CRAMP1: variants seen among roughly 807,000 people sequenced by gnomAD.
CRAMP1 encodes protein cramped-like.
Under a neutral mutation model 115.4 loss-of-function variants are expected in CRAMP1, and 50 were observed. The observed-to-expected ratio is 0.43, with a 90% CI of 0.35 to 0.55. The LOEUF (loss-of-function observed/expected upper bound fraction) is 0.55, where lower values mean the gene tolerates loss of function less well. Ranked by LOEUF, CRAMP1 falls within the 20% of genes least tolerant of loss-of-function variation. The pLI is 0.01. For synonymous variants in CRAMP1, 866 were observed against 745.4 expected (o/e 1.16, Z -2.64); for missense variants, 1,679 against 1,721.7 (o/e 0.98, Z 0.44).
intron 8 of CRAMP1, among the ~76,000 whole-genome samples, chr16:1,653,580 A>G (rs2036742471): frequency 6.6e-6 from 1 of 152,234 alleles, no homozygotes; most frequent in African/African-American, 2.4e-5. Context: ...CTATAATCCC[A>G]GCGCTTTGGG....
rs1266179166 is a variant in CRAMP1, at chr16:1,676,280, G to GA, written c.*2236dup. The GA allele has an allele frequency of 6.6e-6, 1 of 152,630 alleles. No homozygotes were observed. Among genetic ancestry groups the GA allele is most frequent in the Non-Finnish European group, 1.5e-5 (1 of 68,218 alleles). The allele number at this position is 152,630 out of a possible 1,614,324, so 9.5% of individuals were successfully genotyped here. A position where few individuals can be genotyped will look rare whatever the true frequency, so the allele number is the denominator to read the frequency against. The stretch of plus-strand genomic sequence containing the variant: ...ACTGCAGCCATTGCCATCCAGTGGG[G>GA]AGATGGGTTAGGGAGGAGGACGGGC... On this transcript the variant is annotated 3_prime_UTR_variant, in exon 21 of 21. Coordinates refer to ENST00000397412, the MANE Select transcript of CRAMP1 (RefSeq NM_020825.4).
Position 1,666,570 on chromosome 16 carries a change from C to A in CRAMP1, c.3006C>A (p.His1002Gln). The stretch of plus-strand genomic sequence containing the variant: ...CGGGGCAGGACTCTACTGGAACTCA[C>A]CAGGATGGAGACACCCTCCCCACCG... ...AISGQDSTGT[H>Q]QDGDTLPTVG... Residue 1002 changes from histidine (H) to glutamine (Q), a missense_variant, in exon 16 of 21, where the codon CAC becomes CAA. Coordinates refer to ENST00000397412, the MANE Select transcript of CRAMP1 (RefSeq NM_020825.4). The surrounding 1 kb of genome is among the most constrained non-coding windows in gnomAD (Gnocchi z 5.0). 1.9e-6 allele frequency: 3 copies of A among 1,613,946 alleles called. No homozygotes were observed. Among genetic ancestry groups the A allele is most frequent in the Non-Finnish European group, 1.7e-6 (2 of 1,179,866 alleles).
In CRAMP1 at chr16:1,675,302, T is replaced by G. The variant is rs960392979; in HGVS notation, c.*1257T>G. On this transcript the variant is annotated 3_prime_UTR_variant, in exon 21 of 21. Coordinates refer to ENST00000397412, the MANE Select transcript of CRAMP1 (RefSeq NM_020825.4). ...TTCCAGGCACATGAGTCACCGTCCA[T>G]CCACATCCAGTGTGGCCTGGAGCTG... 1 of 152,318 alleles carries G rather than the reference T, an allele frequency of 6.6e-6. No individual in the cohort carries two copies. Among genetic ancestry groups the G allele is most frequent in the Admixed American group, 6.5e-5 (1 of 15,290 alleles). The allele number at this position is 152,318 out of a possible 1,614,324, so 9.4% of individuals were successfully genotyped here. A position where few individuals can be genotyped will look rare whatever the true frequency, so the allele number is the denominator to read the frequency against.
chr16:1,618,213 C>T (rs541845620), intron 2 of CRAMP1, among the ~76,000 whole-genome samples: 2 of 152,262 alleles, frequency 1.3e-5, no homozygotes, highest in South Asian at 4.1e-4. Flanking sequence ...ACCCGGGAGG[C>T]GGAGGTTGCA....
chr16:1,647,130 A>G (rs2036682022), intron 6 of CRAMP1: 3 of 697,632 alleles, frequency 4.3e-6, no homozygotes, highest in Non-Finnish European at 7.8e-6. Flanking sequence ...CGATTGGGGT[A>G]TTTGACTTGC....
intron 4 of CRAMP1, among the ~76,000 whole-genome samples, chr16:1,637,398 G>A (rs982280057): frequency 6.6e-6 from 1 of 152,152 alleles, no homozygotes; most frequent in South Asian, 2.1e-4. Context: ...GCCTGGGCCC[G>A]GGCTATGCAG....
rs555422289 is a variant in CRAMP1 at position 1,619,658 on chromosome 16, A to G, written c.346+4673A>G. Among the ~76,000 whole-genome samples the G allele has an allele frequency of 2.0e-5, 3 of 152,312 alleles. No homozygotes were observed. The East Asian group carries it at 5.8e-4, about 29-fold the overall frequency. On this transcript the variant is annotated intron_variant, in intron 2 of 20. Transcript: ENST00000397412. The stretch of plus-strand genomic sequence containing the variant: ...ATACAAACAGTGGAGTTCTAGTTGT[A>G]TTTCTCTCAAATATTTGTAGGAGGG...
At chr16:1,621,451 C>T (rs773200394) in intron 2 of CRAMP1, among the ~76,000 whole-genome samples, 12 of 152,144 alleles carry the variant, frequency 7.9e-5, no homozygotes, top group Non-Finnish European at 1.5e-4. Context: ...GGGAAACAGG[C>T]GGTGCGGATG....
intron 2 of CRAMP1, among the ~76,000 whole-genome samples, 158 bp downstream of exon 2, chr16:1,615,143 C>T (rs760901829): frequency 6.6e-6 from 1 of 152,212 alleles, no homozygotes. Flanking sequence ...GGCATGTGTC[C>T]CCTCTCTCCT....
intron 2 of CRAMP1, among the ~76,000 whole-genome samples, chr16:1,622,753 CTTTTTTT>C (rs936343370): frequency 7.7e-6 from 1 of 129,362 alleles, no homozygotes; most frequent in Non-Finnish European, 1.7e-5. Flanking sequence ...CGGCAGTCTA[CTTTTTTT>C]TTTTTTTTTT....
Position 1,614,979 on chromosome 16 carries a change from G to A in CRAMP1, c.340G>A (p.Gly114Arg). The A allele has an allele frequency of 8.0e-7, 1 of 1,252,824 alleles. No homozygotes were observed. The highest frequency in any genetic ancestry group is 1.0e-6 in the Non-Finnish European group (1 of 998,050). The allele number at this position is 1,252,824 out of a possible 1,614,324, so 77.6% of individuals were successfully genotyped here. A position where few individuals can be genotyped will look rare whatever the true frequency, so the allele number is the denominator to read the frequency against. ...CAACGCCGGTGGCTCGGGGCCCCGCGGAAAAGGTAGGGCGGCCCGTCCCCT... is the reference window on the plus strand; with the variant it reads ...CAACGCCGGTGGCTCGGGGCCCCGCAGAAAAGGTAGGGCGGCCCGTCCCCT... ...SGNAGGSGPR[G>R]KGAEGGGSSS... Residue 114 changes from glycine to arginine, a missense_variant, in exon 2 of 21, where the codon GGA (glycine) becomes AGA (arginine). Transcript: ENST00000397412. The surrounding 1 kb of genome is among the most constrained non-coding windows in gnomAD (Gnocchi z 4.4).
At position 1,675,813 on chromosome 16, in the gene CRAMP1, G is replaced by T. The variant is rs147126727; in HGVS notation, c.*1768G>T. 1 of 152,224 alleles carries T rather than the reference G, an allele frequency of 6.6e-6. No homozygotes were observed. The highest frequency in any genetic ancestry group is 2.4e-5 in the African/African-American group (1 of 41,462). 9.4% of individuals were successfully genotyped at this position (152,224 alleles called of 1,614,324 possible). A position where few individuals can be genotyped will look rare whatever the true frequency, so the allele number is the denominator to read the frequency against. On this transcript the variant is annotated 3_prime_UTR_variant, in exon 21 of 21. Transcript: ENST00000397412. ...TAAGCAAACAGTCCCAAACCTCTTA[G>T]GGGTGAAAAAAGAAACATGCCACTT...
chr16:1,643,397 T>C lies in CRAMP1; in HGVS notation c.827+2210T>C, dbSNP rs573151163. 8.5e-5 allele frequency among the ~76,000 whole-genome samples: 13 copies of C among 152,048 alleles called. No individual in the cohort carries two copies. The East Asian group carries it at 2.5e-3, about 29-fold the overall frequency. On this transcript the variant is annotated intron_variant, in intron 6 of 20. Transcript: ENST00000397412. ...CTCTGCTAAAAATACAAAAATTAGC[T>C]GGGTGTGGTGGTGCATGCCTGTAAT...
Position 1,656,265 on chromosome 16 carries a change from T to C in CRAMP1, c.1508T>C (p.Leu503Ser). ...CCCGGGGAGGGGGCTGCCCTAAGCT[T>C]GAGCAGCCCGGACGCTCCTGACAGG... ...SAPGEGAALS[L>S]SSPDAPDRPP... The change falls in exon 10 of 21, where the codon TTG becomes TCG. Residue 503 changes from leucine to serine, a missense_variant. Leu to Ser is a moderately radical substitution (Grantham distance 145). Coordinates refer to ENST00000397412, the MANE Select transcript of CRAMP1 (RefSeq NM_020825.4). This position sits in a 1 kb window ranked among gnomAD's most constrained non-coding sequence, Gnocchi z 5.6. 6.2e-7 allele frequency: 1 copy of C among 1,611,360 alleles called. No individual in the cohort carries two copies. The highest frequency in any genetic ancestry group is 8.5e-7 in the Non-Finnish European group (1 of 1,179,724).
rs910032449 is a variant in CRAMP1, at chr16:1,676,644, T to C, written c.*2599T>C. 4 of 152,278 alleles carry C rather than the reference T, an allele frequency of 2.6e-5. No homozygotes were observed. Among genetic ancestry groups the C allele is most frequent in the African/African-American group, 9.6e-5 (4 of 41,478 alleles). The allele number at this position is 152,278 out of a possible 1,614,324, so 9.4% of individuals were successfully genotyped here. A position where few individuals can be genotyped will look rare whatever the true frequency, so the allele number is the denominator to read the frequency against. On this transcript the variant is annotated 3_prime_UTR_variant, in exon 21 of 21. Coordinates refer to ENST00000397412, the MANE Select transcript of CRAMP1 (RefSeq NM_020825.4). ...GAGATCAGTTTCTTAGAAAAAGCTT[T>C]CCTGAATCCCTCTGACGTTGCCTGG...
At chr16:1,651,675 A>T (rs1180502690) in intron 6 of CRAMP1, among the ~76,000 whole-genome samples, 1 of 145,470 alleles carries the variant, frequency 6.9e-6, no homozygotes, top group Non-Finnish European at 1.5e-5. Flanking sequence ...CTAGAGGTGG[A>T]CTGAGAGGTC....
chr16:1,620,900 CT>C (rs927801503), intron 2 of CRAMP1, among the ~76,000 whole-genome samples: 13 of 151,418 alleles, frequency 8.6e-5, no homozygotes, highest in Non-Finnish European at 1.5e-4. Flanking sequence ...TTCGGGGCTT[CT>C]AAAGCCTCAG....
At chr16:1,658,028 C>T (rs1025550856) in intron 10 of CRAMP1, among the ~76,000 whole-genome samples, 3 of 152,226 alleles carry the variant, frequency 2.0e-5, no homozygotes, top group African/African-American at 4.8e-5. Flanking sequence ...CCACACAGGC[C>T]GTCTTACAGC....
At chr16:1,615,105 A>C (rs2036406604) in intron 2 of CRAMP1, 120 bp downstream of exon 2, 5 of 513,408 alleles carry the variant, frequency 9.7e-6, no homozygotes, top group Non-Finnish European at 1.5e-5. Context: ...GCCTACACTG[A>C]GGCTCTCAAT....
Sources: gnomAD v4.1 joint callset for allele counts (sites outside exome capture counted in the v4.1 genomes callset) on GRCh38, gnomAD v4.1.1 for gene constraint, Gnocchi (gnomAD v3.1) non-coding constraint, MANE v1.5 for transcripts, NCBI Gene and HGNC (gene_info 2026-07-23, HGNC 2026-07-21) for gene names.